Variants in CEP290 observed in about 807,000 individuals in gnomAD.
CEP290 encodes centrosomal protein 290, also known as centrosomal protein of 290 kDa.
In CEP290, 317 loss-of-function variants were observed where a neutral mutation model predicts 344.9. The observed-to-expected ratio is 0.92, with a 90% confidence interval of 0.84 to 1.01. The LOEUF (loss-of-function observed/expected upper bound fraction) is 1.01, where lower values mean the gene tolerates loss of function less well. Ranked by LOEUF, CEP290 falls within the 50% of genes least tolerant of loss-of-function variation. CEP290 has a pLI of 0.00. For missense variants in CEP290, 2,754 were observed against 2,761.4 expected, an observed-to-expected ratio of 1.00 and a Z score of 0.06; for synonymous variants, 932 against 895.8, an observed-to-expected ratio of 1.04 and a Z score of -0.72.
intron 25 of CEP290, among the ~76,000 whole-genome samples, chr12:88,106,436 T>A (rs957937396): frequency 6.6e-6 from 1 of 152,198 alleles, no homozygotes; most frequent in Non-Finnish European, 1.5e-5. Flanking sequence ...TTGTTAGGTA[T>A]AATAAAGTTA....
chr12:88,115,316 C>T (rs2038973323), intron 18 of CEP290, 134 bp from the exon 19 acceptor site: 1 of 676,868 alleles, frequency 1.5e-6, no homozygotes, highest in Non-Finnish European at 2.4e-6. Flanking sequence ...GAAGACATAG[C>T]AGCAATCATA....
At chr12:88,114,591 G>A (rs762527884) in intron 19 of CEP290, 29 bp from the exon 20 acceptor site, 1 of 1,505,284 alleles carries the variant, frequency 6.6e-7, no homozygotes, top group South Asian at 1.3e-5. Flanking sequence ...CTCATTGGAT[G>A]ATCAGATCTT....
At chr12:88,105,039 CTG>C (rs1349083072) in intron 25 of CEP290, among the ~76,000 whole-genome samples, 1 of 152,158 alleles carries the variant, frequency 6.6e-6, no homozygotes, top group Non-Finnish European at 1.5e-5. Flanking sequence ...CAATGATACT[CTG>C]AGAGCAATGA....
At chr12:88,122,988 AG>A (rs913341569) in intron 13 of CEP290, among the ~76,000 whole-genome samples, 2 of 152,066 alleles carry the variant, frequency 1.3e-5, no homozygotes, top group African/African-American at 4.8e-5. Context: ...AGCAGCAACC[AG>A]TTTAGAACTT....
intron 29 of CEP290, among the ~76,000 whole-genome samples, chr12:88,091,988 C>T (rs988125411): frequency 1.3e-4 from 20 of 152,130 alleles, no homozygotes; most frequent in African/African-American, 4.3e-4. Flanking sequence ...TCTCGGCTCA[C>T]TGCAACCTCC....
At chr12:88,138,692 C>A (rs1043210086) in intron 5 of CEP290, among the ~76,000 whole-genome samples, 16 of 152,212 alleles carry the variant, frequency 1.1e-4, no homozygotes, top group African/African-American at 3.6e-4. Context: ...CCTCTCCTAA[C>A]ACAAAGGAAA....
At chr12:88,056,271 A>T (rs2033994898) in intron 49 of CEP290, among the ~76,000 whole-genome samples, 2 of 152,078 alleles carry the variant, frequency 1.3e-5, no homozygotes, top group Admixed American at 1.3e-4. Context: ...AAAAAAATAC[A>T]GACTCCAGAA....
intron 31 of CEP290, 63 bp downstream of exon 31, chr12:88,088,969 C>G: frequency 8.0e-7 from 1 of 1,244,538 alleles, no homozygotes; most frequent in Non-Finnish European, 1.1e-6. Flanking sequence ...CCACTGAACT[C>G]CAGCCTGGGA....
intron 5 of CEP290, among the ~76,000 whole-genome samples, chr12:88,138,520 A>G (rs771692978): frequency 6.6e-6 from 1 of 152,154 alleles, no homozygotes; most frequent in Non-Finnish European, 1.5e-5. Flanking sequence ...TGTCTCCAAT[A>G]TATTTCAAAT....
In CEP290 at chr12:88,101,482, A is replaced by G. The variant is rs1050806311; in HGVS notation, c.2991+1356T>C. 4.4e-5 allele frequency among the ~76,000 whole-genome samples: 6 copies of G among 137,818 alleles called. No homozygotes were observed. The South Asian group carries it at 7.1e-4, about 16-fold the overall frequency. The allele number at this position is 137,818 out of a possible 152,430, so 90.4% of individuals were successfully genotyped here. On this transcript the variant is annotated intron_variant, in intron 26 of 53. Transcript: ENST00000552810. ...GGTGACAGAGCGAGACTCTGCCTCA[A>G]AAAAAAAAAAAAAAAAAAAAAAATT...
intron 7 of CEP290, among the ~76,000 whole-genome samples, chr12:88,130,864 G>A (rs1380185386): frequency 6.6e-6 from 1 of 151,974 alleles, no homozygotes; most frequent in African/African-American, 2.4e-5. Flanking sequence ...AGGATTCTGG[G>A]TAAGAGAAAT....
Position 88,071,353 on chromosome 12 carries a change from T to C in CEP290, c.5952A>G (p.Lys1984=). The C allele has an allele frequency of 3.1e-6, 5 of 1,609,356 alleles. No individual in the cohort carries two copies. Among genetic ancestry groups the C allele is most frequent in the Non-Finnish European group, 4.2e-6 (5 of 1,176,550 alleles). ...TTCTCTTTTTTAATTCTTCCAATTC[T>C]TTTTCTGACTCCAAAGCTCGTATTC... ...VLGIRALESE[K]ELEELKKRNL... is the part of the protein sequence containing the mutation. Residue 1984 remains lysine, a synonymous_variant, in exon 43 of 54, where the codon AAA becomes AAG. Transcript: ENST00000552810.
chr12:88,089,672 TCAAA>T (rs2036869970), intron 30 of CEP290, among the ~76,000 whole-genome samples, 185 bp from the exon 31 acceptor site: 1 of 150,788 alleles, frequency 6.6e-6, no homozygotes, highest in East Asian at 2.0e-4. Flanking sequence ...AAACCTAGAA[TCAAA>T]CAAACTTAAA....
chr12:88,122,798 C>CAT (rs896323048), intron 13 of CEP290, among the ~76,000 whole-genome samples: 1 of 152,038 alleles, frequency 6.6e-6, no homozygotes, highest in African/African-American at 2.4e-5. Flanking sequence ...AATAGAAATA[C>CAT]ATATATATAT....
chr12:88,064,635 G>C (rs1233680031), intron 44 of CEP290, among the ~76,000 whole-genome samples: 2 of 152,010 alleles, frequency 1.3e-5, no homozygotes, highest in East Asian at 3.8e-4. Flanking sequence ...AGAAAATTTG[G>C]GGATTTAGAC....
chr12:88,109,827 T>C lies in CEP290; in HGVS notation c.2368-646A>G, dbSNP rs115165148. 7.6e-3 allele frequency among the ~76,000 whole-genome samples: 1,151 copies of C among 152,240 alleles called. 21 individuals carry two copies. Among genetic ancestry groups the C allele is most frequent in the African/African-American group, 0.027 (1,104 of 41,536 alleles). ...CTACAAACTTCTGATATATTTCTTA[T>C]ACAAAGATTAAAAATCATGAATTTT... On this transcript the variant is annotated intron_variant, in intron 22 of 53. Transcript: ENST00000552810.
intron 19 of CEP290, among the ~76,000 whole-genome samples, 163 bp from the exon 20 acceptor site, chr12:88,114,725 T>C (rs1484323939): frequency 6.6e-6 from 1 of 152,136 alleles, no homozygotes; most frequent in Non-Finnish European, 1.5e-5. Context: ...ACGTGAATAG[T>C]TGAGTTAAAT....
rs757752360 is a variant in CEP290, at chr12:88,071,391, C to T, written c.5914G>A (p.Asp1972Asn). 1.2e-6 allele frequency: 2 copies of T among 1,612,286 alleles called. No individual in the cohort carries two copies. The highest frequency in any genetic ancestry group is 2.2e-5 in the East Asian group (1 of 44,792). The change falls in exon 43 of 54, where the codon GAT (aspartate) becomes AAT (asparagine). Residue 1972 changes from aspartate to asparagine, a missense_variant. Transcript: ENST00000552810. The stretch of plus-strand genomic sequence containing the variant: ...AAAGCTCGTATTCCCAAAACCTGAT[C>T]AACAGTCATGCCAGTTGTTTTTAGT... Reference protein sequence around the residue: ...RKLKTTGMTVDQVLGIRALES... With the variant: ...RKLKTTGMTVNQVLGIRALES...
At chr12:88,095,263 G>C (rs2037345150) in intron 27 of CEP290, among the ~76,000 whole-genome samples, 1 of 152,054 alleles carries the variant, frequency 6.6e-6, no homozygotes, top group Admixed American at 6.6e-5. Context: ...TGGGTTTGGA[G>C]TTTTCTTAAA....
Sources: allele counts gnomAD v4.1 joint callset (sites outside exome capture counted in the v4.1 genomes callset), GRCh38; gene constraint gnomAD v4.1.1; transcripts MANE v1.5; gene names NCBI Gene and HGNC (gene_info 2026-07-23, HGNC 2026-07-21).